POLR2F: variants seen among roughly 807,000 people sequenced by gnomAD.
The protein encoded by POLR2F is DNA-directed RNA polymerases I, II, and III subunit RPABC2.
In POLR2F, 12 loss-of-function variants were observed where a neutral mutation model predicts 22.7. The ratio of observed to expected loss-of-function variants is 0.53; its 90% CI spans 0.34 to 0.86. The LOEUF is 0.86. Ranked by LOEUF, POLR2F falls within the 40% of genes least tolerant of loss-of-function variation. POLR2F has a pLI of 0.02. For missense variants in POLR2F, 126 were observed against 171.5 expected, an observed-to-expected ratio of 0.73 and a Z score of 1.48; for synonymous variants, 57 against 66.0, an observed-to-expected ratio of 0.86 and a Z score of 0.66.
At chr22:37,960,851 CTTT>C (rs71195075) in intron 3 of POLR2F, among the ~76,000 whole-genome samples, 2 of 131,544 alleles carry the variant, frequency 1.5e-5, no homozygotes, top group Non-Finnish European at 3.2e-5. Context: ...TTTCTTTTTT[CTTT>C]TTTTTTTTTT....
At chr22:37,958,845 T>C (rs1395816391) in intron 2 of POLR2F, among the ~76,000 whole-genome samples, 2 of 152,236 alleles carry the variant, frequency 1.3e-5, no homozygotes, top group Non-Finnish European at 2.9e-5. Context: ...CTGTTAACAA[T>C]ATCTGGCTCA....
Position 37,986,620 on chromosome 22 carries a change from T to C in POLR2F, c.120+308T>C. 1.5e-6 allele frequency: 1 copy of C among 650,712 alleles called. No homozygotes were observed. The highest frequency in any genetic ancestry group is 2.8e-6 in the Non-Finnish European group (1 of 355,064). The allele number at this position is 650,712 out of a possible 1,614,324, so 40.3% of individuals were successfully genotyped here. On this transcript the variant is annotated intron_variant, in intron 1 of 2. Coordinates refer to the POLR2F transcript ENST00000333418. The surrounding 1 kb of genome is among the most constrained non-coding windows in gnomAD (Gnocchi z 4.7). ...GGGGCCACTCCCTCTCTCTCTCCCT[T>C]GTCCCCGCACAGACACTGCCTTCCT...
intron 1 of POLR2F, among the ~76,000 whole-genome samples, chr22:38,001,563 C>T (rs2084770380): frequency 1.3e-5 from 2 of 152,130 alleles, no homozygotes; most frequent in South Asian, 4.2e-4. Context: ...GATGGAGTCT[C>T]ATTCTGTTGC....
chr22:38,004,227 C>T (rs1409427174), intron 1 of POLR2F, among the ~76,000 whole-genome samples: 1 of 152,042 alleles, frequency 6.6e-6, no homozygotes, highest in Non-Finnish European at 1.5e-5. Flanking sequence ...CTCCTGGCCT[C>T]AAGTGACCCT....
At position 38,017,502 on chromosome 22, in the gene POLR2F, G is replaced by A. The variant is rs2084925381; in HGVS notation, c.121-8367G>A. ...AGTTGTTCGCCATCTCTGGGCCTGT[G>A]GGTGTCTCCCTCTTCAGGTAATGGG... On this transcript the variant is annotated intron_variant, in intron 1 of 2. Transcript: ENST00000333418. The surrounding 1 kb of genome is among the most constrained non-coding windows in gnomAD (Gnocchi z 4.1). Among the ~76,000 whole-genome samples the A allele has an allele frequency of 6.6e-6, 1 of 152,182 alleles. No individual in the cohort carries two copies. Among genetic ancestry groups the A allele is most frequent in the Non-Finnish European group, 1.5e-5 (1 of 68,034 alleles).
At chr22:38,038,241 G>A (rs1445705668) in intron 5 of POLR2F, among the ~76,000 whole-genome samples, 2 of 152,192 alleles carry the variant, frequency 1.3e-5, no homozygotes, top group Non-Finnish European at 2.9e-5. Context: ...GGCCAATGGA[G>A]CCCTGGTGGC....
chr22:38,018,483 G>A (rs1478968229), intron 1 of POLR2F, among the ~76,000 whole-genome samples: 1 of 152,066 alleles, frequency 6.6e-6, no homozygotes, highest in Non-Finnish European at 1.5e-5. Context: ...GAGGGGTCAG[G>A]GTCAGGGTCA....
intron 1 of POLR2F, among the ~76,000 whole-genome samples, chr22:37,998,089 C>T (rs191829430): frequency 7.2e-5 from 11 of 152,260 alleles, no homozygotes; most frequent in South Asian, 2.1e-4. Flanking sequence ...CTTCCCCTCC[C>T]GGGGCCTCAG....
rs1400232564 is a variant in POLR2F at position 38,016,488 on chromosome 22, A to G, written c.121-9381A>G. ...GATGTGAGGAAGGGGCCCTTTAGCC[A>G]TGATGCCCTCTGACCTTTCATAAAT... is the stretch of plus-strand genomic sequence containing the variant. On this transcript the variant is annotated intron_variant, in intron 1 of 2. Transcript: ENST00000333418. The surrounding 1 kb of genome is among the most constrained non-coding windows in gnomAD (Gnocchi z 4.4). 6.6e-6 allele frequency among the ~76,000 whole-genome samples: 1 copy of G among 152,204 alleles called. No homozygotes were observed. Among genetic ancestry groups the G allele is most frequent in the African/African-American group, 2.4e-5 (1 of 41,456 alleles).
Position 37,986,385 on chromosome 22 carries a change from G to A in POLR2F, c.120+73G>A. On this transcript the variant is annotated intron_variant, in intron 1 of 2. Transcript: ENST00000333418. The surrounding 1 kb of genome is among the most constrained non-coding windows in gnomAD (Gnocchi z 4.7). ...AAAGGACCTCCCCGCTCTCTGCTGT[G>A]TCTGTGACTGGCCTGAGACCCGCCT... 1 of 1,530,512 alleles carries A rather than the reference G, an allele frequency of 6.5e-7. No homozygotes were observed. 94.8% of individuals were successfully genotyped at this position (1,530,512 alleles called of 1,614,324 possible).
chr22:38,002,648 C>T (rs531835555), intron 1 of POLR2F, among the ~76,000 whole-genome samples: 2 of 152,010 alleles, frequency 1.3e-5, no homozygotes, highest in Non-Finnish European at 2.9e-5. Context: ...AAGGGCTTCC[C>T]GGTGGAGGTG....
chr22:37,956,213 C>G (rs1301914241), intron 1 of POLR2F, among the ~76,000 whole-genome samples: 3 of 152,014 alleles, frequency 2.0e-5, no homozygotes, highest in African/African-American at 7.3e-5. Context: ...CCTCAGCCTC[C>G]CAAGTAGTTG....
chr22:38,028,472 G>A (rs1046213369), downstream of POLR2F, among the ~76,000 whole-genome samples: 3 of 152,048 alleles, frequency 2.0e-5, no homozygotes, highest in Non-Finnish European at 2.9e-5. Flanking sequence ...CTGTGCCTGC[G>A]CATGCATCTG....
At chr22:37,954,663 G>A (rs1287326624) in intron 1 of POLR2F, among the ~76,000 whole-genome samples, 2 of 152,124 alleles carry the variant, frequency 1.3e-5, no homozygotes, top group Non-Finnish European at 2.9e-5. Flanking sequence ...GAGTAGAGGT[G>A]GTGAGAACTG....
chr22:38,003,883 G>A (rs923907950), intron 1 of POLR2F, among the ~76,000 whole-genome samples: 2 of 152,176 alleles, frequency 1.3e-5, no homozygotes, highest in African/African-American at 4.8e-5. Flanking sequence ...AGAACAGTCA[G>A]CCTTTTTTCC....
chr22:37,986,308 T>A lies in POLR2F; in HGVS notation c.118T>A (p.Ser40Thr). The A allele has an allele frequency of 6.5e-7, 1 of 1,536,234 alleles. No individual in the cohort carries two copies. The highest frequency in any genetic ancestry group is 1.2e-5 in the South Asian group (1 of 83,752). The change falls in exon 1 of 3, where the codon TCC becomes ACC. Residue 40 changes from serine (S) to threonine (T), a missense_variant. Transcript: ENST00000333418. The surrounding 1 kb of genome is among the most constrained non-coding windows in gnomAD (Gnocchi z 4.7). ...TGCCTGCCTGCCTGGCATCTCTCTC[T>A]CCCGGTGGGTCCCCACTCATCCTTC...
At chr22:38,040,973 G>T (rs764707917) in intron 5 of POLR2F, 11 of 1,588,356 alleles carry the variant, frequency 6.9e-6, no homozygotes, top group Non-Finnish European at 8.6e-6. Context: ...CAGTGACGTT[G>T]ATCAAAGGCT....
At chr22:38,002,969 C>T (rs1304337333) in intron 1 of POLR2F, among the ~76,000 whole-genome samples, 1 of 152,072 alleles carries the variant, frequency 6.6e-6, no homozygotes, top group East Asian at 1.9e-4. Context: ...TCGTGATCTG[C>T]TTGCCTCGGC....
chr22:37,986,796 C>A lies in POLR2F; in HGVS notation c.120+484C>A, dbSNP rs769297257. Reference sequence around the variant, plus strand: ...ACATCCCTGCCCACCATGCTGGCAACTGGGATCCCCTCCATCCCATCCCAG... The same window carrying A: ...ACATCCCTGCCCACCATGCTGGCAAATGGGATCCCCTCCATCCCATCCCAG... On this transcript the variant is annotated intron_variant, in intron 1 of 2. Coordinates refer to the POLR2F transcript ENST00000333418. This position sits in a 1 kb window ranked among gnomAD's most constrained non-coding sequence, Gnocchi z 4.7. The A allele has an allele frequency of 1.5e-5, 7 of 461,500 alleles. 1 individual carries two copies. The highest frequency in any genetic ancestry group is 1.1e-4 in the South Asian group (7 of 64,626). 28.6% of individuals were successfully genotyped at this position (461,500 alleles called of 1,614,324 possible).
Sources: allele counts gnomAD v4.1 joint callset (sites outside exome capture counted in the v4.1 genomes callset), GRCh38; gene constraint gnomAD v4.1.1; non-coding constraint Gnocchi (gnomAD v3.1); transcripts MANE v1.5; gene names NCBI Gene and HGNC (gene_info 2026-07-23, HGNC 2026-07-21).